The following STMN1 variants were observed in gnomAD, a reference collection of about 807,000 sequenced individuals.
STMN1 encodes stathmin.
In STMN1, 3 loss-of-function variants were observed where a neutral mutation model predicts 19.7. The ratio of observed to expected loss-of-function variants is 0.15; its 90% CI spans 0.07 to 0.39. STMN1 has a LOEUF of 0.39. Ranked by LOEUF, STMN1 falls within the 10% of genes least tolerant of loss-of-function variation. STMN1 has a pLI of 1.00. For missense variants in STMN1, 99 were observed against 176.0 expected, an observed-to-expected ratio of 0.56 and a Z score of 2.48; for synonymous variants, 59 against 58.9, an observed-to-expected ratio of 1.00 and a Z score of -0.01.
At chr1:25,890,560 T>C (rs1278360998) in intron 4 of STMN1, among the ~76,000 whole-genome samples, 3 of 152,220 alleles carry the variant, frequency 2.0e-5, no homozygotes, top group Non-Finnish European at 4.4e-5. Context: ...AAATGTTAAT[T>C]ACCTACAGGT....
chr1:25,901,163 C>A (rs1487019117), intron 4 of STMN1, 76 bp from the exon 5 acceptor site: 3 of 1,567,426 alleles, frequency 1.9e-6, no homozygotes, highest in African/African-American at 2.8e-5. Context: ...CGACCCCCAG[C>A]CCCCACCTCA....
downstream of STMN1, among the ~76,000 whole-genome samples, chr1:25,898,713 A>G (rs550186745): frequency 4.6e-5 from 7 of 152,354 alleles, no homozygotes; most frequent in Admixed American, 4.6e-4. Context: ...GACAGCCCCA[A>G]CTGCTTGTCA....
chr1:25,886,954 C>CA (rs2048727191), intron 4 of STMN1, among the ~76,000 whole-genome samples: 1 of 152,090 alleles, frequency 6.6e-6, no homozygotes, highest in Non-Finnish European at 1.5e-5. Flanking sequence ...TCAACTCCTC[C>CA]AGGCAGCCCT....
At chr1:25,894,258 G>T (rs2048799740) in intron 4 of STMN1, among the ~76,000 whole-genome samples, 1 of 152,330 alleles carries the variant, frequency 6.6e-6, no homozygotes, top group African/African-American at 2.4e-5. Context: ...GTGAGCAGGG[G>T]CTGTGATGGG....
chr1:25,889,887 G>T (rs1055243448), intron 4 of STMN1, among the ~76,000 whole-genome samples: 3 of 152,188 alleles, frequency 2.0e-5, no homozygotes, highest in Admixed American at 1.3e-4. Context: ...ACACCTGCTA[G>T]TTCCTGCCAT....
intron 3 of STMN1, chr1:25,903,378 AG>A (rs1193574763): frequency 2.2e-5 from 8 of 371,654 alleles, no homozygotes; most frequent in African/African-American, 1.7e-4. Flanking sequence ...GTATGACTGC[AG>A]AAAAACGACT....
downstream of STMN1, among the ~76,000 whole-genome samples, chr1:25,897,605 G>A (rs976520739): frequency 1.3e-5 from 2 of 152,116 alleles, no homozygotes; most frequent in Non-Finnish European, 2.9e-5. Flanking sequence ...AGGTGGGAAC[G>A]GCTGAATAGT....
At chr1:25,891,044 C>A (rs999823363) in intron 4 of STMN1, among the ~76,000 whole-genome samples, 1 of 152,080 alleles carries the variant, frequency 6.6e-6, no homozygotes, top group African/African-American at 2.4e-5. Flanking sequence ...TTTAAGGATT[C>A]AATCGGGGCC....
chr1:25,884,297 G>A (rs1372943972), downstream of STMN1: 2 of 152,086 alleles, frequency 1.3e-5, no homozygotes, highest in African/African-American at 4.8e-5. Context: ...TGGGCTCAGG[G>A]TATGTTCAAT....
At chr1:25,887,811 T>C (rs1010065495) in intron 4 of STMN1, among the ~76,000 whole-genome samples, 2 of 152,152 alleles carry the variant, frequency 1.3e-5, no homozygotes, top group Non-Finnish European at 2.9e-5. Flanking sequence ...GTCAGCCTCC[T>C]GAGTAGCTGG....
At chr1:25,896,532 GC>G (rs1403122947), downstream of STMN1, among the ~76,000 whole-genome samples, 2 of 152,142 alleles carry the variant, frequency 1.3e-5, no homozygotes, top group Admixed American at 1.3e-4. Context: ...AATTTCAGCA[GC>G]CTACTTGTCT....
chr1:25,892,141 G>A (rs780243605), intron 4 of STMN1, among the ~76,000 whole-genome samples: 9 of 152,214 alleles, frequency 5.9e-5, no homozygotes, highest in South Asian at 2.1e-4. Flanking sequence ...TGTAATCCCA[G>A]CACTTCGGGA....
intron 1 of STMN1, chr1:25,905,073 A>G (rs2048922298): frequency 5.1e-6 from 1 of 196,602 alleles, no homozygotes; most frequent in African/African-American, 2.4e-5. Context: ...GATATTCCAG[A>G]TTCAACTCAA....
intron 4 of STMN1, among the ~76,000 whole-genome samples, chr1:25,890,198 C>T (rs2048760249): frequency 1.3e-5 from 2 of 152,060 alleles, no homozygotes; most frequent in Non-Finnish European, 1.5e-5. Context: ...TCTTGAAGAT[C>T]TAAAGAGAAA....
chr1:25,898,235 C>T (rs2048837155), downstream of STMN1, among the ~76,000 whole-genome samples: 1 of 152,248 alleles, frequency 6.6e-6, no homozygotes, highest in African/African-American at 2.4e-5. Context: ...GTGGCAATCA[C>T]AGGCTTACTA....
downstream of STMN1, among the ~76,000 whole-genome samples, chr1:25,897,174 A>C (rs919822236): frequency 2.0e-5 from 3 of 152,108 alleles, no homozygotes; most frequent in African/African-American, 2.4e-5. Flanking sequence ...TTAGCCAGGC[A>C]CGGTGGTGCA....
At chr1:25,895,099 CTTTT>C (rs34587140) in intron 4 of STMN1, among the ~76,000 whole-genome samples, 10 of 113,386 alleles carry the variant, frequency 8.8e-5, no homozygotes, top group Admixed American at 1.9e-4. Context: ...TATTATACGT[CTTTT>C]TTTTTTTTTT....
downstream of STMN1, among the ~76,000 whole-genome samples, chr1:25,899,325 G>A (rs1306918503): frequency 6.6e-6 from 1 of 152,092 alleles, no homozygotes; most frequent in African/African-American, 2.4e-5. Flanking sequence ...ATTCAGAACT[G>A]GTATTTTAAA....
intron 4 of STMN1, among the ~76,000 whole-genome samples, chr1:25,892,973 A>G (rs1194270384): frequency 1.3e-5 from 2 of 152,212 alleles, no homozygotes; most frequent in African/African-American, 4.8e-5. Flanking sequence ...AAAATGTTTA[A>G]TCTGCTGCTA....
Sources: gnomAD v4.1 joint callset for allele counts (sites outside exome capture counted in the v4.1 genomes callset) on GRCh38, gnomAD v4.1.1 for gene constraint, MANE v1.5 for transcripts, NCBI Gene and HGNC (gene_info 2026-07-23, HGNC 2026-07-21) for gene names.